The following KCNQ5 variants were observed in gnomAD, a reference collection of about 807,000 sequenced individuals.
KCNQ5 encodes potassium voltage-gated channel subfamily Q member 5, also known as potassium voltage-gated channel subfamily KQT member 5.
Under a neutral mutation model 98.2 loss-of-function variants are expected in KCNQ5, and 30 were observed. The ratio of observed to expected loss-of-function variants is 0.31; its 90% CI spans 0.23 to 0.41. KCNQ5 has a LOEUF of 0.41. Ranked by LOEUF, KCNQ5 falls within the 10% of genes least tolerant of loss-of-function variation. The pLI, the probability that KCNQ5 is intolerant of heterozygous loss-of-function variation, is 1.00. For missense variants in KCNQ5, 835 were observed against 1,182.5 expected, an observed-to-expected ratio of 0.71 and a Z score of 4.31; for synonymous variants, 458 against 449.4, an observed-to-expected ratio of 1.02 and a Z score of -0.24.
At chr6:72,632,138 C>CTTTTTTTTTT (rs71540354) in intron 1 of KCNQ5, among the ~76,000 whole-genome samples, 3 of 127,670 alleles carry the variant, frequency 2.3e-5, no homozygotes, top group Non-Finnish European at 3.2e-5. Context: ...TTCTTTCTTT[C>CTTTTTTTTTT]TTTTTTTTTT....
chr6:72,873,440 T>C (rs899038083), intron 1 of KCNQ5, among the ~76,000 whole-genome samples: 3 of 152,082 alleles, frequency 2.0e-5, no homozygotes, highest in African/African-American at 4.8e-5. Context: ...GTTCTGCAGG[T>C]ACTTGTACAA....
At chr6:73,145,407 C>G (rs1776883137) in intron 10 of KCNQ5, among the ~76,000 whole-genome samples, 1 of 152,184 alleles carries the variant, frequency 6.6e-6, no homozygotes, top group African/African-American at 2.4e-5. Flanking sequence ...TGTTTTCTTT[C>G]ATATAATTCA....
chr6:72,856,752 A>AT (rs1297370827), intron 1 of KCNQ5, among the ~76,000 whole-genome samples: 2 of 152,212 alleles, frequency 1.3e-5, no homozygotes, highest in Non-Finnish European at 2.9e-5. Flanking sequence ...ATTAAAATTG[A>AT]TTGATGAAAG....
chr6:72,766,555 G>A (rs1772583111), intron 1 of KCNQ5, among the ~76,000 whole-genome samples: 1 of 151,996 alleles, frequency 6.6e-6, no homozygotes, highest in South Asian at 2.1e-4. Context: ...ATTGGCCTAG[G>A]TTGGTAGCAG....
At chr6:72,712,485 A>T (rs1769420164) in intron 1 of KCNQ5, among the ~76,000 whole-genome samples, 1 of 152,228 alleles carries the variant, frequency 6.6e-6, no homozygotes, top group African/African-American at 2.4e-5. Context: ...CAATCTTTGA[A>T]TCTAATAAGA....
rs574181170 is a variant in KCNQ5, at chr6:73,043,463, C to A, written c.616+1401C>A. On this transcript the variant is annotated intron_variant, in intron 3 of 13. Transcript: ENST00000370398. ...GTGGTAACTCCAAGCCTTGCAGGTT[C>A]ATAAAGCCCCAAGGCATATTAGTGA... Among the ~76,000 whole-genome samples the A allele has an allele frequency of 1.5e-4, 23 of 152,286 alleles. 1 individual carries two copies. The highest frequency in any genetic ancestry group is 1.2e-3 in the Admixed American group (19 of 15,294).
intron 2 of KCNQ5, among the ~76,000 whole-genome samples, chr6:73,011,873 CA>C (rs1770077585): frequency 2.0e-5 from 3 of 151,934 alleles, no homozygotes; most frequent in Admixed American, 2.0e-4. Flanking sequence ...AAAAGATGCT[CA>C]ACATTATTAA....
intron 5 of KCNQ5, among the ~76,000 whole-genome samples, chr6:73,085,256 G>C (rs6900769): frequency 0.14 from 21,636 of 152,052 alleles, 3,013 homozygotes; most frequent in African/African-American, 0.37. Context: ...TTTATGTCTG[G>C]TGCTATCTTT....
At chr6:73,169,520 T>C (rs1000043992) in intron 10 of KCNQ5, among the ~76,000 whole-genome samples, 3 of 152,362 alleles carry the variant, frequency 2.0e-5, no homozygotes, top group African/African-American at 7.2e-5. Context: ...GATAGCTTCA[T>C]CTTGCCCGTA....
intron 5 of KCNQ5, among the ~76,000 whole-genome samples, chr6:73,100,676 A>G (rs188416942): frequency 3.1e-5 from 3 of 97,436 alleles, no homozygotes; most frequent in African/African-American, 1.7e-4. Flanking sequence ...CTCAAAAAAG[A>G]AAAAAAAAAA....
intron 11 of KCNQ5, 101 bp from the exon 12 acceptor site, chr6:73,190,472 C>T: frequency 1.7e-6 from 1 of 577,524 alleles, no homozygotes; most frequent in Non-Finnish European, 2.6e-6. Flanking sequence ...TGATGCATGA[C>T]TTTTCCCCCC....
chr6:72,857,778 C>T (rs1777592520), intron 1 of KCNQ5, among the ~76,000 whole-genome samples: 1 of 152,118 alleles, frequency 6.6e-6, no homozygotes, highest in Admixed American at 6.5e-5. Context: ...ACTGATAGCT[C>T]AATACGTATG....
chr6:72,759,454 T>C (rs1229953642), intron 1 of KCNQ5, among the ~76,000 whole-genome samples: 1 of 152,144 alleles, frequency 6.6e-6, no homozygotes, highest in Non-Finnish European at 1.5e-5. Context: ...GTCTGCCTCT[T>C]CCCATTTTTA....
intron 1 of KCNQ5, among the ~76,000 whole-genome samples, chr6:72,939,281 T>C (rs1766112338): frequency 6.6e-6 from 1 of 151,908 alleles, no homozygotes; most frequent in South Asian, 2.1e-4. Context: ...ACAGAAGGGG[T>C]AGGCAGAGCA....
chr6:72,715,953 A>G (rs888393143), intron 1 of KCNQ5, among the ~76,000 whole-genome samples: 1 of 152,178 alleles, frequency 6.6e-6, no homozygotes, highest in African/African-American at 2.4e-5. Context: ...TGTTGATCTT[A>G]ACAATAATCA....
intron 1 of KCNQ5, among the ~76,000 whole-genome samples, chr6:72,704,155 A>C (rs1228561127): frequency 6.6e-6 from 1 of 152,212 alleles, no homozygotes; most frequent in Non-Finnish European, 1.5e-5. Context: ...TTTTATTATC[A>C]AAAATCAGGC....
chr6:72,695,601 T>C (rs1227138829), intron 1 of KCNQ5, among the ~76,000 whole-genome samples: 1 of 152,164 alleles, frequency 6.6e-6, no homozygotes, highest in Non-Finnish European at 1.5e-5. Flanking sequence ...ATACATGCCA[T>C]TTAGCTATGC....
intron 1 of KCNQ5, among the ~76,000 whole-genome samples, chr6:72,632,786 T>G (rs2098921751): frequency 6.6e-6 from 1 of 152,020 alleles, no homozygotes; most frequent in African/African-American, 2.4e-5. Context: ...CTGCATAGAA[T>G]TCTATGGTGT....
At chr6:72,670,890 G>A (rs1767069720) in intron 1 of KCNQ5, among the ~76,000 whole-genome samples, 1 of 152,164 alleles carries the variant, frequency 6.6e-6, no homozygotes. Flanking sequence ...CTATAGGTCA[G>A]ATCCTGTAGA....
Sources: allele counts gnomAD v4.1 joint callset (sites outside exome capture counted in the v4.1 genomes callset), GRCh38; gene constraint gnomAD v4.1.1; transcripts MANE v1.5; gene names NCBI Gene and HGNC (gene_info 2026-07-23, HGNC 2026-07-21).